ZC3H7A: variants seen among roughly 807,000 people sequenced by gnomAD.
ZC3H7A encodes the protein zinc finger CCCH-type containing 7A.
Under a neutral mutation model 125.5 loss-of-function variants are expected in ZC3H7A, and 44 were observed. The observed-to-expected ratio is 0.35, with a 90% CI of 0.28 to 0.45. The LOEUF is 0.45. ZC3H7A is among the 20% of genes least tolerant of loss of function. The probability of loss-of-function intolerance (pLI) is 1.00; values close to 1 mark genes in which losing one functional copy is unlikely to be tolerated. For synonymous variants in ZC3H7A, 399 were observed against 391.2 expected, an observed-to-expected ratio of 1.02 and a Z score of -0.23; for missense variants, 977 against 1,170.7, an observed-to-expected ratio of 0.83 and a Z score of 2.41.
chr16:11,783,724 T>A (rs1040237909), intron 1 of ZC3H7A, among the ~76,000 whole-genome samples: 3 of 152,230 alleles, frequency 2.0e-5, no homozygotes, highest in African/African-American at 7.2e-5. Context: ...TTGAAGTACA[T>A]TGCTGAAATT....
chr16:11,780,283 G>A (rs950563027), intron 3 of ZC3H7A, among the ~76,000 whole-genome samples: 24 of 151,840 alleles, frequency 1.6e-4, no homozygotes, highest in African/African-American at 5.6e-4. Flanking sequence ...ACCACACTCG[G>A]CTAATTTTTG....
intron 3 of ZC3H7A, among the ~76,000 whole-genome samples, chr16:11,780,942 C>T (rs931690551): frequency 1.3e-5 from 2 of 151,862 alleles, no homozygotes; most frequent in African/African-American, 2.4e-5. Context: ...AAAAAATGTT[C>T]CACACACTCT....
rs760714337 is a variant in ZC3H7A, at chr16:11,770,855, G to A, written c.1036C>T (p.Pro346Ser). 1 of 1,614,182 alleles carries A rather than the reference G, an allele frequency of 6.2e-7. No homozygotes were observed. Among genetic ancestry groups the A allele is most frequent in the East Asian group, 2.2e-5 (1 of 44,890 alleles). ...TCTTCTAAGGATGAAGTCAAAGGTGGATAAAATTCTGAGAAGGAGGGTGGA... is the reference window on the plus strand; with the variant it reads ...TCTTCTAAGGATGAAGTCAAAGGTGAATAAAATTCTGAGAAGGAGGGTGGA... ...APPPSFSEFYPPLTSSLEDFC... is the reference protein window; with the variant it reads ...APPPSFSEFYSPLTSSLEDFC... Residue 346 changes from proline (P) to serine (S), a missense_variant, in exon 10 of 23, where the codon CCA (proline) becomes TCA (serine). Around this residue, in one of 3 missense-constraint regions of ZC3H7A, gnomAD observed 342 missense variants for 311.3 expected, o/e 1.10. Transcript: ENST00000355758.
intron 3 of ZC3H7A, among the ~76,000 whole-genome samples, chr16:11,781,108 A>C (rs998401471): frequency 6.6e-6 from 1 of 152,180 alleles, no homozygotes; most frequent in Admixed American, 6.5e-5. Flanking sequence ...AAAGAAAAAA[A>C]AAGTCCTATA....
chr16:11,765,423 G>A lies in ZC3H7A; in HGVS notation c.1719+66C>T, dbSNP rs374607241. ...TACCAAGTGAATGTTTTATCACATG[G>A]CAGGACAATACCACTGGGCTTGCAA... On this transcript the variant is annotated intron_variant, in intron 14 of 22. Coordinates refer to ENST00000355758, the MANE Select transcript of ZC3H7A (RefSeq NM_014153.4). The surrounding 1 kb of genome is among the most constrained non-coding windows in gnomAD (Gnocchi z 4.8). 2 of 1,200,668 alleles carry A rather than the reference G, an allele frequency of 1.7e-6. No individual in the cohort carries two copies. Among genetic ancestry groups the A allele is most frequent in the African/African-American group, 1.5e-5 (1 of 64,778 alleles). 74.4% of individuals were successfully genotyped at this position (1,200,668 alleles called of 1,614,324 possible). A position where few individuals can be genotyped will look rare whatever the true frequency, so the allele number is the denominator to read the frequency against.
chr16:11,751,778 G>C (rs1200825429), intron 22 of ZC3H7A, among the ~76,000 whole-genome samples: 1 of 152,004 alleles, frequency 6.6e-6, no homozygotes, highest in East Asian at 1.9e-4. Flanking sequence ...ATCAGAGGCG[G>C]CATCAAGGAA....
chr16:11,785,831 G>C (rs921699552), intron 1 of ZC3H7A, among the ~76,000 whole-genome samples: 8 of 152,200 alleles, frequency 5.3e-5, no homozygotes, highest in Admixed American at 6.5e-5. Flanking sequence ...GCGTTAGCCA[G>C]GATGGTCTCG....
Position 11,768,412 on chromosome 16 carries a change from A to C in ZC3H7A, c.1263T>G (p.Ser421Arg). The part of the protein sequence containing the change: ...PRNDFGNFFG[S>R]AVTKPSSSVT... ...CTGATGAAGATGGTTTGGTAACTGCACTTCCAAAAAAGTTTCCAAAGTCAT... is the reference window on the plus strand; with the variant it reads ...CTGATGAAGATGGTTTGGTAACTGCCCTTCCAAAAAAGTTTCCAAAGTCAT... Residue 421 changes from serine to arginine, a missense_variant, in exon 12 of 23, where the codon AGT (serine) becomes AGG (arginine). Ser to Arg is a moderately radical substitution (Grantham distance 110). Around this residue, in one of 3 missense-constraint regions of ZC3H7A, gnomAD observed 342 missense variants for 311.3 expected, o/e 1.10. Transcript: ENST00000355758. The C allele has an allele frequency of 1.3e-6, 2 of 1,595,838 alleles. No individual in the cohort carries two copies. The highest frequency in any genetic ancestry group is 1.7e-6 in the Non-Finnish European group (2 of 1,168,142).
At position 11,792,881 on chromosome 16, in the gene ZC3H7A, G is replaced by C. The variant is rs112093963; in HGVS notation, c.-35+4243C>G. Among the ~76,000 whole-genome samples, 1,226 of 152,294 alleles carry C rather than the reference G, an allele frequency of 8.1e-3. 20 individuals are homozygous for C. The highest frequency in any genetic ancestry group is 0.028 in the African/African-American group (1,167 of 41,558). On this transcript the variant is annotated intron_variant, in intron 1 of 22. Coordinates refer to ENST00000355758, the MANE Select transcript of ZC3H7A (RefSeq NM_014153.4). ...GGCTCTGAAAGACAAATATGGCTCT[G>C]ATGAACAGGTGGGCACTTTAAAGCC... is the stretch of plus-strand genomic sequence containing the variant.
intron 18 of ZC3H7A, 81 bp downstream of exon 18, chr16:11,761,829 A>C (rs2052757478): frequency 6.4e-7 from 1 of 1,565,000 alleles, no homozygotes; most frequent in African/African-American, 1.4e-5. Flanking sequence ...AAAGCCTTAA[A>C]CTTTTTGCTT....
At chr16:11,768,701 G>C (rs375918792) in intron 11 of ZC3H7A, among the ~76,000 whole-genome samples, 200 bp from the exon 12 acceptor site, 1 of 151,834 alleles carries the variant, frequency 6.6e-6, no homozygotes, top group Non-Finnish European at 1.5e-5. Flanking sequence ...GTCACCCCCC[G>C]ACTTTTTTGA....
chr16:11,770,936 T>C lies in ZC3H7A; in HGVS notation c.955A>G (p.Met319Val). ...CCTAACAGCGATGCCGAAAAGGGCA[T>C]GCTAGGAGAGACACTGGCTGTCTGA... is the stretch of plus-strand genomic sequence containing the variant. ...PLQTASVSPS[M>V]PFSASLLGTL... Residue 319 changes from methionine (M) to valine (V), a missense_variant, in exon 10 of 23, where the codon ATG becomes GTG. Met to Val is a conservative substitution (Grantham distance 21). This residue lies in a region of ZC3H7A where 342 missense variants were observed against 311.3 expected (regional missense o/e 1.10). Coordinates refer to ENST00000355758, the MANE Select transcript of ZC3H7A (RefSeq NM_014153.4). 1 of 1,613,870 alleles carries C rather than the reference T, an allele frequency of 6.2e-7. No homozygotes were observed. Among genetic ancestry groups the C allele is most frequent in the Non-Finnish European group, 8.5e-7 (1 of 1,179,858 alleles).
Position 11,768,345 on chromosome 16 carries a change from G to C in ZC3H7A, c.1330C>G (p.Gln444Glu), listed in dbSNP as rs752019011. Residue 444 changes from glutamine (Q) to glutamate (E), a missense_variant, in exon 12 of 23, where the codon CAA (glutamine) becomes GAA (glutamate). By Grantham distance (29) the Gln-to-Glu change is conservative. Coordinates refer to ENST00000355758, the MANE Select transcript of ZC3H7A (RefSeq NM_014153.4). ...HPLEGTHELR[Q>E]ACQICFVKSG... ...TTTACAAAACAGATCTGGCAAGCTT[G>C]TCTCAATTCATGGGTTCCTTCGAGG... 1 of 1,575,544 alleles carries C rather than the reference G, an allele frequency of 6.3e-7. No homozygotes were observed. Among genetic ancestry groups the C allele is most frequent in the Non-Finnish European group, 8.7e-7 (1 of 1,156,042 alleles).
chr16:11,779,103 G>A, intron 4 of ZC3H7A, 63 bp downstream of exon 4: 2 of 1,313,910 alleles, frequency 1.5e-6, no homozygotes, highest in South Asian at 2.7e-5. Flanking sequence ...TTTTATTAAT[G>A]TACTAAGTCA....
chr16:11,791,052 AC>A (rs1470090646), intron 1 of ZC3H7A, among the ~76,000 whole-genome samples: 1 of 151,102 alleles, frequency 6.6e-6, no homozygotes, highest in African/African-American at 2.4e-5. Context: ...AGCCTGGGGT[AC>A]AGAGCAAGAC....
At chr16:11,763,302 T>C (rs1429500546) in intron 16 of ZC3H7A, 176 bp downstream of exon 16, 3 of 483,436 alleles carry the variant, frequency 6.2e-6, no homozygotes, top group Non-Finnish European at 1.0e-5. Flanking sequence ...GAGATGGGGA[T>C]TTTGCCGTAC....
chr16:11,766,588 T>A (rs905745875), intron 13 of ZC3H7A, among the ~76,000 whole-genome samples: 3 of 148,548 alleles, frequency 2.0e-5, no homozygotes, highest in Non-Finnish European at 4.5e-5. Context: ...AATAAATAAA[T>A]AAAATAAAAC....
chr16:11,786,596 G>C (rs1194996803), intron 1 of ZC3H7A, among the ~76,000 whole-genome samples: 1 of 152,096 alleles, frequency 6.6e-6, no homozygotes, highest in Non-Finnish European at 1.5e-5. Flanking sequence ...GAAAGGAAAC[G>C]GAAAATGGAT....
chr16:11,755,046 A>G lies in ZC3H7A; in HGVS notation c.2562+1191T>C, dbSNP rs1161855896. Among the ~76,000 whole-genome samples the G allele has an allele frequency of 3.3e-5, 5 of 151,606 alleles. 1 individual carries two copies. Among genetic ancestry groups the G allele is most frequent in the Middle Eastern group, 6.4e-3 (2 of 314 alleles). On this transcript the variant is annotated intron_variant, in intron 21 of 22. Transcript: ENST00000355758. ...AACATGGTGAAACCCCGTCTCTACC[A>G]AAAACACAAAAAATTAGCCGGGCGT...
Sources: gnomAD v4.1 joint callset for allele counts (sites outside exome capture counted in the v4.1 genomes callset) on GRCh38, gnomAD v4.1.1 for gene constraint, gnomAD v4.1.1 regional missense constraint, Gnocchi (gnomAD v3.1) non-coding constraint, MANE v1.5 for transcripts, NCBI Gene and HGNC (gene_info 2026-07-23, HGNC 2026-07-21) for gene names.